Variants in LRRC39 observed in about 807,000 individuals in gnomAD.
LRRC39 encodes the protein leucine rich repeat containing 39, also known as leucine-rich repeat-containing protein 39.
LRRC39 carries 35 observed loss-of-function variants against 39.7 expected under a neutral mutation model. The observed-to-expected ratio is 0.88, with a 90% CI of 0.67 to 1.17. The LOEUF (loss-of-function observed/expected upper bound fraction) is 1.17, where lower values mean the gene tolerates loss of function less well. Ranked by LOEUF, LRRC39 falls within the 50% of genes most tolerant of loss-of-function variation. LRRC39 has a pLI of 0.00. For missense variants in LRRC39, 357 were observed against 385.8 expected (o/e 0.93, Z 0.62); for synonymous variants, 113 against 134.1 (o/e 0.84, Z 1.09).
intron 9 of LRRC39, among the ~76,000 whole-genome samples, chr1:100,150,885 T>C (rs1056079007): frequency 6.6e-6 from 1 of 152,092 alleles, no homozygotes; most frequent in Non-Finnish European, 1.5e-5. Context: ...CCCAGCACTT[T>C]GGGAGGCCAA....
chr1:100,166,060 G>T (rs888035094), intron 3 of LRRC39, among the ~76,000 whole-genome samples: 1 of 151,778 alleles, frequency 6.6e-6, no homozygotes, highest in African/African-American at 2.4e-5. Flanking sequence ...CTTTCATTTG[G>T]TTCTCATTCT....
At chr1:100,166,498 G>T (rs1041040689) in intron 3 of LRRC39, among the ~76,000 whole-genome samples, 5 of 152,134 alleles carry the variant, frequency 3.3e-5, no homozygotes, top group African/African-American at 1.2e-4. Flanking sequence ...CTGGAGTAAA[G>T]GTCACTCTTG....
chr1:100,160,829 T>G (rs1000458333), intron 3 of LRRC39, among the ~76,000 whole-genome samples: 4 of 152,108 alleles, frequency 2.6e-5, no homozygotes, highest in African/African-American at 9.7e-5. Context: ...TTTCACCGTG[T>G]TGGCCAGGCT....
intron 4 of LRRC39, among the ~76,000 whole-genome samples, chr1:100,160,024 G>C (rs1658753915): frequency 1.3e-5 from 2 of 152,122 alleles, no homozygotes; most frequent in South Asian, 4.1e-4. Context: ...AAAAATTAGA[G>C]TATGCCTAAT....
chr1:100,163,545 T>C (rs1659031613), intron 3 of LRRC39, among the ~76,000 whole-genome samples: 1 of 151,430 alleles, frequency 6.6e-6, no homozygotes, highest in African/African-American at 2.4e-5. Context: ...TTAAATGATA[T>C]CTATGTATTT....
intron 5 of LRRC39, among the ~76,000 whole-genome samples, chr1:100,158,856 G>GAAAA (rs59271444): frequency 0.034 from 4,805 of 141,096 alleles, 278 homozygotes; most frequent in African/African-American, 0.12. Flanking sequence ...CGTGCAATAG[G>GAAAA]AAAAAAAAAA....
chr1:100,175,796 T>A (rs555193572), intron 1 of LRRC39, among the ~76,000 whole-genome samples: 2 of 152,202 alleles, frequency 1.3e-5, no homozygotes, highest in African/African-American at 4.8e-5. Flanking sequence ...CAAAAACAAA[T>A]GAAGTTGTGC....
chr1:100,148,986 C>G lies in LRRC39; in HGVS notation c.*56G>C. ...AGCTTTTCTTTTTACTTCAGAAATC[C>G]AAACATTAGAGAATTCACCAAAGTA... On this transcript the variant is annotated 3_prime_UTR_variant, in exon 10 of 10. Transcript: ENST00000370137. The G allele has an allele frequency of 7.0e-7, 1 of 1,421,004 alleles. No individual in the cohort carries two copies. The highest frequency in any genetic ancestry group is 9.3e-7 in the Non-Finnish European group (1 of 1,070,032). The allele number at this position is 1,421,004 out of a possible 1,614,324, so 88.0% of individuals were successfully genotyped here. A position where few individuals can be genotyped will look rare whatever the true frequency, so the allele number is the denominator to read the frequency against.
At chr1:100,154,324 A>G (rs1658295264) in intron 8 of LRRC39, among the ~76,000 whole-genome samples, 1 of 152,240 alleles carries the variant, frequency 6.6e-6, no homozygotes, top group Non-Finnish European at 1.5e-5. Context: ...TCTCAAGAAA[A>G]AAAATTCCTT....
At chr1:100,172,326 A>G (rs1001755483) in intron 2 of LRRC39, among the ~76,000 whole-genome samples, 4 of 152,250 alleles carry the variant, frequency 2.6e-5, no homozygotes, top group Non-Finnish European at 1.5e-5. Context: ...TAATCTCACT[A>G]ACAAATATAT....
Position 100,152,544 on chromosome 1 carries a change from CAG to C in LRRC39, c.813-22_813-21del. 6.2e-7 allele frequency: 1 copy of C among 1,611,316 alleles called. No homozygotes were observed. Among genetic ancestry groups the C allele is most frequent in the Non-Finnish European group, 8.5e-7 (1 of 1,178,750 alleles). ...ACAAACCTAGAAGTTCATCAAAAAA[CAG>C]TATTTTTATAGGTGTCATGGAAGTG... On this transcript the variant is annotated intron_variant, in intron 8 of 9. Coordinates refer to ENST00000370137, the MANE Select transcript of LRRC39 (RefSeq NM_144620.4).
intron 9 of LRRC39, among the ~76,000 whole-genome samples, chr1:100,151,418 C>T (rs1271678431): frequency 6.6e-6 from 1 of 152,128 alleles, no homozygotes; most frequent in Non-Finnish European, 1.5e-5. Flanking sequence ...CATGTCATTG[C>T]TTCTATGACC....
chr1:100,149,283 G>A (rs1230247832), intron 9 of LRRC39, 186 bp from the exon 10 acceptor site: 14 of 1,528,554 alleles, frequency 9.2e-6, no homozygotes, highest in Non-Finnish European at 1.1e-5. Context: ...CTACAGATCT[G>A]GAAAGCACAA....
intron 3 of LRRC39, 82 bp from the exon 4 acceptor site, chr1:100,160,653 TTCACTC>T (rs1456753621): frequency 6.2e-6 from 7 of 1,133,846 alleles, no homozygotes; most frequent in Non-Finnish European, 8.9e-6. Context: ...GAGAGAGAGT[TTCACTC>T]TTTTGCCCAG....
chr1:100,168,576 A>T lies in LRRC39; in HGVS notation c.-60T>A. 7.8e-7 allele frequency: 1 copy of T among 1,289,384 alleles called. No individual in the cohort carries two copies. The highest frequency in any genetic ancestry group is 1.1e-6 in the Non-Finnish European group (1 of 905,482). 79.9% of individuals were successfully genotyped at this position (1,289,384 alleles called of 1,614,324 possible). A position where few individuals can be genotyped will look rare whatever the true frequency, so the allele number is the denominator to read the frequency against. On this transcript the variant is annotated 5_prime_UTR_variant, in exon 3 of 10. Transcript: ENST00000370137. ...TAGGTTTTGAATAGCTGAATCATAG[A>T]TACCATTTCAGAAAGGACCTAAATG...
At chr1:100,171,503 CTTTTTTT>C (rs748078318) in intron 2 of LRRC39, among the ~76,000 whole-genome samples, 1 of 130,766 alleles carries the variant, frequency 7.6e-6, no homozygotes, top group Non-Finnish European at 1.7e-5. Flanking sequence ...TTTCTTTCTT[CTTTTTTT>C]TTTTTTTTTT....
At chr1:100,159,833 C>T (rs1286070109) in intron 4 of LRRC39, among the ~76,000 whole-genome samples, 2 of 151,896 alleles carry the variant, frequency 1.3e-5, no homozygotes, top group Non-Finnish European at 2.9e-5. Context: ...TTGAAATACA[C>T]GAATATTTTT....
chr1:100,178,324 G>A (rs1384704829), upstream of LRRC39: 3 of 152,150 alleles, frequency 2.0e-5, no homozygotes, highest in African/African-American at 4.8e-5. Context: ...GCTTCTTTGC[G>A]ACGGATCAGC....
intron 8 of LRRC39, 31 bp downstream of exon 8, chr1:100,155,020 G>A: frequency 1.3e-6 from 2 of 1,521,314 alleles, no homozygotes; most frequent in African/African-American, 1.4e-5. Context: ...AGAAAGCAAG[G>A]TTTTTCAGTT....
Sources: allele counts gnomAD v4.1 joint callset (sites outside exome capture counted in the v4.1 genomes callset), GRCh38; gene constraint gnomAD v4.1.1; transcripts MANE v1.5; gene names NCBI Gene and HGNC (gene_info 2026-07-23, HGNC 2026-07-21).